ABTB2: variants seen among roughly 807,000 people sequenced by gnomAD.
The protein encoded by ABTB2 is ankyrin repeat and BTB/POZ domain-containing protein 2.
In ABTB2, 56 loss-of-function variants were observed where a neutral mutation model predicts 104.1. The ratio of observed to expected loss-of-function variants is 0.54; its 90% confidence interval spans 0.43 to 0.67. ABTB2 has a LOEUF of 0.67. Ranked by LOEUF, ABTB2 falls within the 30% of genes least tolerant of loss-of-function variation. The probability of loss-of-function intolerance (pLI) is 0.00; values close to 1 mark genes in which losing one functional copy is unlikely to be tolerated. For synonymous variants in ABTB2, 606 were observed against 608.2 expected, an observed-to-expected ratio of 1.00 and a Z score of 0.05; for missense variants, 1,279 against 1,407.7, an observed-to-expected ratio of 0.91 and a Z score of 1.46.
At chr11:34,203,519 G>T (rs1853369313) in intron 2 of ABTB2, among the ~76,000 whole-genome samples, 1 of 152,154 alleles carries the variant, frequency 6.6e-6, no homozygotes, top group Non-Finnish European at 1.5e-5. Context: ...CCCACTTCCT[G>T]TGGGGCCCCT....
At chr11:34,175,992 A>T (rs1240290748) in intron 3 of ABTB2, among the ~76,000 whole-genome samples, 1 of 152,090 alleles carries the variant, frequency 6.6e-6, no homozygotes, top group East Asian at 1.9e-4. Flanking sequence ...CCCCCCAAAA[A>T]AAAGGGGGGC....
At chr11:34,235,048 A>T (rs1350182535) in intron 1 of ABTB2, among the ~76,000 whole-genome samples, 1 of 151,846 alleles carries the variant, frequency 6.6e-6, no homozygotes, top group South Asian at 2.1e-4. Context: ...TTTTTAGTAG[A>T]GATGGGGTTT....
intron 10 of ABTB2, 66 bp downstream of exon 10, chr11:34,162,510 C>T: frequency 6.6e-7 from 1 of 1,526,002 alleles, no homozygotes; most frequent in Non-Finnish European, 8.9e-7. Flanking sequence ...TGAAGAGCAG[C>T]AGGGAGTGAC....
At chr11:34,285,525 A>T (rs1854495000) in intron 1 of ABTB2, among the ~76,000 whole-genome samples, 1 of 152,040 alleles carries the variant, frequency 6.6e-6, no homozygotes, top group Admixed American at 6.5e-5. Context: ...ACACCTCAAA[A>T]GGTTTGTAGT....
chr11:34,312,128 A>T (rs1854862219), intron 1 of ABTB2, among the ~76,000 whole-genome samples: 1 of 149,750 alleles, frequency 6.7e-6, no homozygotes, highest in African/African-American at 2.5e-5. Flanking sequence ...GCGACAGAGC[A>T]AGACTCCATC....
chr11:34,310,719 G>A (rs996852043), intron 1 of ABTB2, among the ~76,000 whole-genome samples: 2 of 152,034 alleles, frequency 1.3e-5, no homozygotes, highest in African/African-American at 4.8e-5. Context: ...ACTGGGTCAC[G>A]GACCCCTGTT....
intron 1 of ABTB2, among the ~76,000 whole-genome samples, chr11:34,339,886 G>T (rs1855241308): frequency 6.6e-6 from 1 of 152,088 alleles, no homozygotes; most frequent in Non-Finnish European, 1.5e-5. Flanking sequence ...ATCCAGCTCT[G>T]ATTACACTGT....
intron 3 of ABTB2, among the ~76,000 whole-genome samples, chr11:34,191,418 T>C (rs192540617): frequency 2.6e-5 from 4 of 152,296 alleles, no homozygotes; most frequent in Admixed American, 2.6e-4. Flanking sequence ...ACATTTATCG[T>C]CTACCAGGAT....
In ABTB2 at chr11:34,357,564, G is replaced by C; in HGVS notation, c.20C>G (p.Ser7Trp). Reference sequence around the variant, plus strand: ...CAAGTCCTCCAGCGTCTTCAGAGTCGAGCTGTACGTCCCGGCCATGGGGAG... The same window carrying C: ...CAAGTCCTCCAGCGTCTTCAGAGTCCAGCTGTACGTCCCGGCCATGGGGAG... MAGTYS[S>W]TLKTLEDLTL... The change falls in exon 1 of 17, where the codon TCG becomes TGG. Residue 7 changes from serine to tryptophan, a missense_variant. Physicochemically the swap from Ser to Trp is radical, Grantham distance 177 (BLOSUM62 -3). Transcript: ENST00000435224. 1 of 1,521,378 alleles carries C rather than the reference G, an allele frequency of 6.6e-7. No individual in the cohort carries two copies. The highest frequency in any genetic ancestry group is 8.8e-7 in the Non-Finnish European group (1 of 1,135,120). 94.2% of individuals were successfully genotyped at this position (1,521,378 alleles called of 1,614,324 possible).
At chr11:34,269,856 C>T (rs1208173484) in intron 1 of ABTB2, among the ~76,000 whole-genome samples, 2 of 152,218 alleles carry the variant, frequency 1.3e-5, no homozygotes, top group Non-Finnish European at 2.9e-5. Flanking sequence ...TTTTTCAATA[C>T]AACTCCACAG....
intron 1 of ABTB2, among the ~76,000 whole-genome samples, chr11:34,267,817 A>G (rs1445078927): frequency 6.6e-6 from 1 of 152,252 alleles, no homozygotes; most frequent in Non-Finnish European, 1.5e-5. Context: ...TACCTCCCCA[A>G]GGATCTCTTA....
chr11:34,338,604 G>A (rs1855222793), intron 1 of ABTB2, among the ~76,000 whole-genome samples: 1 of 151,962 alleles, frequency 6.6e-6, no homozygotes, highest in Admixed American at 6.6e-5. Context: ...TACTTGGGAG[G>A]CTGAGGTGGC....
intron 1 of ABTB2, among the ~76,000 whole-genome samples, chr11:34,343,015 G>A (rs1855281686): frequency 6.6e-6 from 1 of 151,836 alleles, no homozygotes; most frequent in African/African-American, 2.4e-5. Flanking sequence ...TGTCACCCAG[G>A]CTGGAGGGCA....
chr11:34,217,417 G>A (rs1853562674), intron 1 of ABTB2, among the ~76,000 whole-genome samples: 1 of 152,136 alleles, frequency 6.6e-6, no homozygotes, highest in Admixed American at 6.5e-5. Context: ...TAATAAACCT[G>A]CTATAAATAA....
chr11:34,312,410 C>G (rs1361771687), intron 1 of ABTB2, among the ~76,000 whole-genome samples: 2 of 152,138 alleles, frequency 1.3e-5, no homozygotes, highest in African/African-American at 4.8e-5. Flanking sequence ...GGGGTGGTGA[C>G]TGCTGTAGGG....
At chr11:34,201,592 A>G (rs1853339725) in intron 2 of ABTB2, among the ~76,000 whole-genome samples, 1 of 152,182 alleles carries the variant, frequency 6.6e-6, no homozygotes, top group Non-Finnish European at 1.5e-5. Context: ...TCAGGGAGTT[A>G]ATGCATGTAA....
intron 1 of ABTB2, among the ~76,000 whole-genome samples, chr11:34,280,768 G>T (rs980315681): frequency 1.3e-5 from 2 of 152,160 alleles, no homozygotes; most frequent in African/African-American, 4.8e-5. Context: ...TTTAATAAAT[G>T]CGGATGCTCA....
chr11:34,229,078 CCACTG>C (rs1468882402), intron 1 of ABTB2, among the ~76,000 whole-genome samples: 2 of 145,492 alleles, frequency 1.4e-5, no homozygotes, highest in Non-Finnish European at 3.0e-5. Context: ...CAAGATCGCG[CCACTG>C]CACTCCAGCC....
chr11:34,168,226 T>C (rs1852828788), intron 5 of ABTB2, among the ~76,000 whole-genome samples: 1 of 152,302 alleles, frequency 6.6e-6, no homozygotes, highest in South Asian at 2.1e-4. Flanking sequence ...GCACAGGCCG[T>C]GCAGCCAGGC....
Sources: allele counts gnomAD v4.1 joint callset (sites outside exome capture counted in the v4.1 genomes callset), GRCh38; gene constraint gnomAD v4.1.1; transcripts MANE v1.5; gene names NCBI Gene and HGNC (gene_info 2026-07-23, HGNC 2026-07-21).